CNTN5: variants seen among roughly 807,000 people sequenced by gnomAD.
CNTN5 encodes the protein contactin-5.
A neutral mutation model predicts 129.1 loss-of-function variants in CNTN5; 77 were observed. The observed-to-expected ratio is 0.60, with a 90% confidence interval of 0.50 to 0.72. The LOEUF (loss-of-function observed/expected upper bound fraction) is 0.72. Ranked by LOEUF, CNTN5 falls within the 30% of genes least tolerant of loss-of-function variation. The probability of loss-of-function intolerance (pLI) is 0.00; values close to 1 mark genes in which losing one functional copy is unlikely to be tolerated. For missense variants in CNTN5, 1,478 were observed against 1,328.8 expected, an observed-to-expected ratio of 1.11 and a Z score of -1.75; for synonymous variants, 509 against 465.6, an observed-to-expected ratio of 1.09 and a Z score of -1.20.
chr11:99,591,337 CTTTTTTTT>C (rs10633238), intron 3 of CNTN5, among the ~76,000 whole-genome samples: 5,384 of 113,118 alleles, frequency 0.048, 370 homozygotes, highest in African/African-American at 0.17. Context: ...TCAACAAAAC[CTTTTTTTT>C]TTTTTTTTTT....
intron 1 of CNTN5, among the ~76,000 whole-genome samples, chr11:99,221,720 C>G (rs915291249): frequency 6.6e-6 from 1 of 151,898 alleles, no homozygotes; most frequent in Non-Finnish European, 1.5e-5. Flanking sequence ...TCCAAATACT[C>G]ATGCCTTTTG....
chr11:99,355,353 A>T (rs1200322456), intron 2 of CNTN5, among the ~76,000 whole-genome samples: 1 of 152,204 alleles, frequency 6.6e-6, no homozygotes, highest in Non-Finnish European at 1.5e-5. Flanking sequence ...ATTGAAATAA[A>T]TCATTAATTA....
intron 2 of CNTN5, among the ~76,000 whole-genome samples, chr11:99,373,064 C>G (rs111884204): frequency 2.2e-5 from 2 of 91,596 alleles, no homozygotes; most frequent in African/African-American, 5.7e-5. Context: ...CAAAAATTAG[C>G]GGGGCATGGT....
chr11:100,129,007 G>T (rs1946290233), intron 13 of CNTN5, among the ~76,000 whole-genome samples: 1 of 152,108 alleles, frequency 6.6e-6, no homozygotes, highest in Non-Finnish European at 1.5e-5. Flanking sequence ...TTTGTTTACA[G>T]AGTTTGTTTT....
intron 21 of CNTN5, chr11:100,337,082 T>C (rs1952053308): frequency 3.8e-6 from 5 of 1,316,304 alleles, no homozygotes; most frequent in Non-Finnish European, 5.5e-6. Flanking sequence ...ATCACTCTTG[T>C]AGGGATCATC....
intron 2 of CNTN5, among the ~76,000 whole-genome samples, chr11:99,387,792 C>T (rs1304368688): frequency 1.3e-5 from 2 of 152,224 alleles, no homozygotes; most frequent in East Asian, 3.9e-4. Flanking sequence ...ATGTCAAGCC[C>T]TTTCAATCCT....
At chr11:99,146,312 C>T (rs941866919) in intron 1 of CNTN5, among the ~76,000 whole-genome samples, 5 of 152,038 alleles carry the variant, frequency 3.3e-5, no homozygotes, top group Non-Finnish European at 5.9e-5. Context: ...TATCCATTTG[C>T]AAAATGCTGT....
intron 3 of CNTN5, among the ~76,000 whole-genome samples, chr11:99,776,229 G>A (rs934627422): frequency 6.6e-6 from 1 of 151,902 alleles, no homozygotes; most frequent in Non-Finnish European, 1.5e-5. Flanking sequence ...ATATTATGCT[G>A]CAGAAGCCAC....
At chr11:99,570,779 TAGTG>T (rs1555031704) in intron 3 of CNTN5, among the ~76,000 whole-genome samples, 1 of 152,070 alleles carries the variant, frequency 6.6e-6, no homozygotes, top group Non-Finnish European at 1.5e-5. Context: ...AATAAAATGA[TAGTG>T]AGTAATATTG....
At chr11:99,354,713 A>T (rs6590053) in intron 2 of CNTN5, among the ~76,000 whole-genome samples, 151,757 of 152,184 alleles carry the variant, frequency 1, 75,668 homozygotes, top group Middle Eastern at 1. Context: ...AAAAATCACC[A>T]CCTAACTGGC....
rs532973609 is a variant in CNTN5, at chr11:99,684,681, T to A, written c.55+128412T>A. 5.1e-4 allele frequency among the ~76,000 whole-genome samples: 77 copies of A among 152,016 alleles called. 1 individual carries two copies. Among genetic ancestry groups the A allele is most frequent in the African/African-American group, 1.8e-3 (75 of 41,542 alleles). On this transcript the variant is annotated intron_variant, in intron 3 of 24. Transcript: ENST00000524871. ...TGGATAGGTGCTAAATATCTATTGT[T>A]TTTGTTAGCTTAGTGTTTTATTCTA...
intron 3 of CNTN5, among the ~76,000 whole-genome samples, chr11:99,563,896 A>G (rs1235819281): frequency 6.6e-6 from 1 of 152,194 alleles, no homozygotes; most frequent in African/African-American, 2.4e-5. Flanking sequence ...AAATCCCATG[A>G]GCCAAGATCA....
chr11:100,088,357 A>G (rs1565228524), intron 13 of CNTN5, among the ~76,000 whole-genome samples: 1 of 152,108 alleles, frequency 6.6e-6, no homozygotes, highest in African/African-American at 2.4e-5. Flanking sequence ...CTAAACCCAA[A>G]GCTAGCAGAA....
chr11:99,769,179 A>G (rs1487217763), intron 3 of CNTN5, among the ~76,000 whole-genome samples: 1 of 152,160 alleles, frequency 6.6e-6, no homozygotes, highest in Admixed American at 6.6e-5. Flanking sequence ...CAAACTGGCA[A>G]CTTTGACCTG....
chr11:99,961,667 C>T (rs1950950292), intron 8 of CNTN5, among the ~76,000 whole-genome samples: 1 of 152,190 alleles, frequency 6.6e-6, no homozygotes, highest in Non-Finnish European at 1.5e-5. Flanking sequence ...CCTTTTCCTT[C>T]TCTATCGCTA....
At chr11:99,662,652 C>A (rs1382880789) in intron 3 of CNTN5, among the ~76,000 whole-genome samples, 1 of 152,098 alleles carries the variant, frequency 6.6e-6, no homozygotes, top group East Asian at 1.9e-4. Flanking sequence ...TAAAATACTT[C>A]AGTGTGTGTA....
chr11:99,306,819 C>T (rs1310442842), intron 1 of CNTN5, among the ~76,000 whole-genome samples: 2 of 150,778 alleles, frequency 1.3e-5, no homozygotes, highest in African/African-American at 2.4e-5. Flanking sequence ...ATAAAATTAA[C>T]CATGTTAATC....
At chr11:100,027,157 T>C (rs1263811401) in intron 9 of CNTN5, among the ~76,000 whole-genome samples, 1 of 152,222 alleles carries the variant, frequency 6.6e-6, no homozygotes, top group Non-Finnish European at 1.5e-5. Context: ...TTTTATGTTT[T>C]GGTCAATTGT....
intron 1 of CNTN5, among the ~76,000 whole-genome samples, chr11:99,166,538 G>A (rs2135528270): frequency 6.6e-6 from 1 of 152,114 alleles, no homozygotes; most frequent in African/African-American, 2.4e-5. Flanking sequence ...TGTACTAAAT[G>A]TATACTAGAG....
Sources: allele counts gnomAD v4.1 joint callset (sites outside exome capture counted in the v4.1 genomes callset), GRCh38; gene constraint gnomAD v4.1.1; transcripts MANE v1.5; gene names NCBI Gene and HGNC (gene_info 2026-07-23, HGNC 2026-07-21).